The following FSTL5 variants were observed in gnomAD, a reference collection of about 807,000 sequenced individuals.
FSTL5 encodes the protein follistatin like 5.
Under a neutral mutation model 89.1 loss-of-function variants are expected in FSTL5, and 62 were observed. The observed-to-expected ratio is 0.70, with a 90% CI of 0.57 to 0.86. The LOEUF (loss-of-function observed/expected upper bound fraction) is 0.86, where lower values mean the gene tolerates loss of function less well. FSTL5 is among the 40% of genes least tolerant of loss of function. The pLI, the probability that FSTL5 is intolerant of heterozygous loss-of-function variation, is 0.00. For synonymous variants in FSTL5, 383 were observed against 346.2 expected, an observed-to-expected ratio of 1.11 and a Z score of -1.18; for missense variants, 1,057 against 1,001.6, an observed-to-expected ratio of 1.06 and a Z score of -0.75.
chr4:161,456,123 T>C (rs1406576625), intron 14 of FSTL5, among the ~76,000 whole-genome samples: 1 of 152,134 alleles, frequency 6.6e-6, no homozygotes, highest in Non-Finnish European at 1.5e-5. Context: ...AATAGCAAAA[T>C]GGAAGGCTTC....
chr4:161,583,063 G>A (rs4131165), intron 8 of FSTL5, among the ~76,000 whole-genome samples: 15,571 of 152,094 alleles, frequency 0.1, 897 homozygotes, highest in Middle Eastern at 0.18. Flanking sequence ...GTAGCCAGGC[G>A]TGGTGGCGGG....
At chr4:161,957,423 T>G (rs1735054660) in intron 3 of FSTL5, among the ~76,000 whole-genome samples, 1 of 152,138 alleles carries the variant, frequency 6.6e-6, no homozygotes, top group African/African-American at 2.4e-5. Context: ...ATTCATTCTT[T>G]TCTTTGCTTC....
chr4:161,833,704 C>T (rs556494884), intron 4 of FSTL5, among the ~76,000 whole-genome samples: 3 of 151,752 alleles, frequency 2.0e-5, no homozygotes, highest in South Asian at 4.2e-4. Flanking sequence ...GGATTGCAAC[C>T]CCTGCCTTTT....
At chr4:161,752,250 T>C (rs1740422352) in intron 6 of FSTL5, among the ~76,000 whole-genome samples, 1 of 151,758 alleles carries the variant, frequency 6.6e-6, no homozygotes, top group African/African-American at 2.4e-5. Flanking sequence ...GATAGATAGA[T>C]AGATAGATAG....
intron 10 of FSTL5, among the ~76,000 whole-genome samples, chr4:161,536,677 C>A: frequency 6.6e-6 from 1 of 152,090 alleles, no homozygotes; most frequent in East Asian, 1.9e-4. Context: ...TAAACCTTCT[C>A]CTAAAATTTT....
chr4:161,432,833 G>T (rs1732427131), intron 15 of FSTL5, among the ~76,000 whole-genome samples: 1 of 151,912 alleles, frequency 6.6e-6, no homozygotes, highest in South Asian at 2.1e-4. Flanking sequence ...AAACCTAAAA[G>T]AAACGGATAC....
chr4:162,075,203 T>G (rs945576806), intron 2 of FSTL5, among the ~76,000 whole-genome samples: 2 of 151,766 alleles, frequency 1.3e-5, no homozygotes, highest in Non-Finnish European at 2.9e-5. Context: ...AACCTCCTGA[T>G]TTCTCAACCC....
chr4:162,072,196 A>C (rs1443803285), intron 2 of FSTL5, among the ~76,000 whole-genome samples: 2 of 151,830 alleles, frequency 1.3e-5, no homozygotes, highest in African/African-American at 4.8e-5. Context: ...AATGTACAAA[A>C]TAATACACAG....
chr4:161,864,165 T>C (rs1394523542), intron 4 of FSTL5, among the ~76,000 whole-genome samples: 2 of 152,174 alleles, frequency 1.3e-5, no homozygotes, highest in Non-Finnish European at 2.9e-5. Flanking sequence ...CCAGGACTTA[T>C]ACTAGCATCC....
chr4:162,024,020 T>C (rs1029053475), intron 3 of FSTL5, among the ~76,000 whole-genome samples: 1 of 152,094 alleles, frequency 6.6e-6, no homozygotes, highest in Admixed American at 6.6e-5. Context: ...CTGGGAAATG[T>C]AGCTTTTAAT....
intron 8 of FSTL5, among the ~76,000 whole-genome samples, chr4:161,543,736 T>C (rs1731911527): frequency 7.0e-6 from 1 of 142,052 alleles, no homozygotes; most frequent in African/African-American, 2.4e-5. Flanking sequence ...TCCTACCCCA[T>C]ACCATAAGCA....
At chr4:161,799,521 C>A (rs555770421) in intron 4 of FSTL5, among the ~76,000 whole-genome samples, 1 of 151,690 alleles carries the variant, frequency 6.6e-6, no homozygotes, top group African/African-American at 2.4e-5. Flanking sequence ...AATTACTTTA[C>A]TTTTTATCTC....
intron 4 of FSTL5, among the ~76,000 whole-genome samples, chr4:161,830,234 T>G (rs1730801137): frequency 6.6e-6 from 1 of 152,032 alleles, no homozygotes; most frequent in Admixed American, 6.6e-5. Context: ...CTGGAACACC[T>G]GGCATGCTTT....
intron 3 of FSTL5, among the ~76,000 whole-genome samples, chr4:161,984,664 T>C (rs1735913509): frequency 6.6e-6 from 1 of 152,146 alleles, no homozygotes; most frequent in African/African-American, 2.4e-5. Context: ...AGTTCCATTA[T>C]TTTTAATTTA....
At chr4:161,955,703 C>G (rs1194785084) in intron 3 of FSTL5, among the ~76,000 whole-genome samples, 3 of 151,812 alleles carry the variant, frequency 2.0e-5, no homozygotes, top group Non-Finnish European at 2.9e-5. Flanking sequence ...CTGTTCTTTG[C>G]AAACAGAACC....
intron 9 of FSTL5, among the ~76,000 whole-genome samples, chr4:161,540,283 G>A (rs994692131): frequency 6.6e-6 from 1 of 152,028 alleles, no homozygotes; most frequent in Non-Finnish European, 1.5e-5. Context: ...TCAATTCCTA[G>A]GACATTCAAA....
At chr4:161,737,429 A>AGACCACATAGTTGATCTAAAGAAG (rs1739858309) in intron 6 of FSTL5, among the ~76,000 whole-genome samples, 2 of 152,074 alleles carry the variant, frequency 1.3e-5, no homozygotes, top group Admixed American at 1.3e-4. Flanking sequence ...GTGGGGAAGA[A>AGACCACATAGTTGATCTAAAGAAG]GACCACATAG....
At chr4:161,691,640 C>A (rs1366653150) in intron 6 of FSTL5, among the ~76,000 whole-genome samples, 3 of 152,086 alleles carry the variant, frequency 2.0e-5, no homozygotes, top group Non-Finnish European at 4.4e-5. Context: ...TTGAAGTCTT[C>A]CAATTTATAA....
intron 15 of FSTL5, among the ~76,000 whole-genome samples, chr4:161,442,041 A>G (rs1431352359): frequency 6.6e-6 from 1 of 152,060 alleles, no homozygotes; most frequent in Non-Finnish European, 1.5e-5. Flanking sequence ...ACTAATTTAT[A>G]GTTATATAAC....
Sources: gnomAD v4.1 joint callset for allele counts (sites outside exome capture counted in the v4.1 genomes callset) on GRCh38, gnomAD v4.1.1 for gene constraint, MANE v1.5 for transcripts, NCBI Gene and HGNC (gene_info 2026-07-23, HGNC 2026-07-21) for gene names.